YJU2B: variants seen among roughly 807,000 people sequenced by gnomAD.
YJU2B encodes probable splicing factor YJU2B.
Under a neutral mutation model 38.0 loss-of-function variants are expected in YJU2B, and 18 were observed. That is an observed-to-expected ratio of 0.47 (90% CI 0.33 to 0.70). The LOEUF (loss-of-function observed/expected upper bound fraction) is 0.70. YJU2B is among the 30% of genes least tolerant of loss of function. YJU2B has a pLI of 0.02. For synonymous variants in YJU2B, 246 were observed against 225.4 expected (o/e 1.09, Z -0.82); for missense variants, 538 against 556.3 (o/e 0.97, Z 0.33).
chr19:13,736,968 G>A (rs903736730), intron 2 of YJU2B, among the ~76,000 whole-genome samples: 22 of 149,612 alleles, frequency 1.5e-4, no homozygotes, highest in Non-Finnish European at 2.4e-4. Context: ...CGGAGGTTGC[G>A]GTGAGCTGAG....
chr19:13,758,796 C>T, intron 6 of YJU2B, 72 bp from the exon 7 acceptor site: 2 of 1,542,872 alleles, frequency 1.3e-6, no homozygotes, highest in South Asian at 2.3e-5. Flanking sequence ...TGGAAGGAAG[C>T]AGGCAGAGGC....
upstream of YJU2B, among the ~76,000 whole-genome samples, chr19:13,746,182 G>C (rs980573693): frequency 9.9e-5 from 15 of 152,070 alleles, no homozygotes; most frequent in Non-Finnish European, 1.9e-4. Flanking sequence ...AACCTGGGAG[G>C]CAGAGGGTGT....
intron 2 of YJU2B, among the ~76,000 whole-genome samples, chr19:13,733,833 T>C (rs937335503): frequency 7.9e-5 from 12 of 152,234 alleles, no homozygotes; most frequent in African/African-American, 2.9e-4. Context: ...ATGGCTCCTA[T>C]TGAGAAACAC....
intron 2 of YJU2B, among the ~76,000 whole-genome samples, chr19:13,752,250 C>T (rs1020511747): frequency 6.6e-6 from 1 of 151,920 alleles, no homozygotes; most frequent in Admixed American, 6.6e-5. Context: ...CCTCCCCTAC[C>T]CCTTCCTTTC....
chr19:13,747,877 G>C (rs57713847), upstream of YJU2B: 6 of 152,452 alleles, frequency 3.9e-5, no homozygotes, highest in East Asian at 1.9e-4. Flanking sequence ...TGGGGGCGCG[G>C]AGAGGGCGCC....
At chr19:13,735,183 G>C (rs997744742) in intron 2 of YJU2B, among the ~76,000 whole-genome samples, 1 of 152,110 alleles carries the variant, frequency 6.6e-6, no homozygotes, top group Non-Finnish European at 1.5e-5. Flanking sequence ...CGGGCATGGT[G>C]GTGGGCACCT....
chr19:13,759,444 A>G (rs1210657704), intron 8 of YJU2B, 172 bp downstream of exon 8: 3 of 578,386 alleles, frequency 5.2e-6, no homozygotes, highest in Non-Finnish European at 6.0e-6. Context: ...TCTGGCTACT[A>G]TAATAAAAAA....
chr19:13,758,914 A>T lies in YJU2B; in HGVS notation c.304A>T (p.Thr102Ser). The change falls in exon 7 of 10, where the codon ACG becomes TCG. Residue 102 changes from threonine to serine, a missense_variant. Physicochemically the swap from Thr to Ser is moderately conservative, Grantham distance 58 (BLOSUM62 1). Coordinates refer to ENST00000221554, the MANE Select transcript of YJU2B (RefSeq NM_030818.4). ...CTGTGTCAACTACATCGAGATGCAGACGGACCCCGCCAACTGCGACTACGT... is the reference window on the plus strand; with the variant it reads ...CTGTGTCAACTACATCGAGATGCAGTCGGACCCCGCCAACTGCGACTACGT... ...HLCVNYIEMQTDPANCDYVIV... is the reference protein window; with the variant it reads ...HLCVNYIEMQSDPANCDYVIV... 1 of 1,613,926 alleles carries T rather than the reference A, an allele frequency of 6.2e-7. No individual in the cohort carries two copies. Among genetic ancestry groups the T allele is most frequent in the East Asian group, 2.2e-5 (1 of 44,892 alleles).
chr19:13,745,952 G>A (rs1278778279), upstream of YJU2B, among the ~76,000 whole-genome samples: 2 of 151,668 alleles, frequency 1.3e-5, no homozygotes, highest in African/African-American at 4.8e-5. Flanking sequence ...GGCCCTACAA[G>A]GCATAAAAGT....
chr19:13,746,249 C>CAA (rs36114411), upstream of YJU2B, among the ~76,000 whole-genome samples: 3 of 141,168 alleles, frequency 2.1e-5, no homozygotes, highest in East Asian at 2.0e-4. Context: ...GACTCCGACT[C>CAA]AAAAAAAAAA....
rs998609319 is a variant in YJU2B at position 13,751,792 on chromosome 19, A to T, written c.-17A>T. 1 of 1,614,016 alleles carries T rather than the reference A, an allele frequency of 6.2e-7. No homozygotes were observed. On this transcript the variant is annotated 5_prime_UTR_variant, in exon 2 of 10. Coordinates refer to ENST00000221554, the MANE Select transcript of YJU2B (RefSeq NM_030818.4). Reference sequence around the variant, plus strand: ...ATCGTCCGCCCCGAGGCTGAGGACCAGTAGGCAGCTCCCAAGATGGTGAGT... The same window carrying T: ...ATCGTCCGCCCCGAGGCTGAGGACCTGTAGGCAGCTCCCAAGATGGTGAGT...
chr19:13,735,848 C>T (rs575287471), intron 2 of YJU2B, among the ~76,000 whole-genome samples: 2 of 146,450 alleles, frequency 1.4e-5, no homozygotes, highest in East Asian at 1.9e-4. Flanking sequence ...GTCAGGAGAT[C>T]GAGGCCATCC....
At chr19:13,746,358 G>C (rs1182797444), upstream of YJU2B, among the ~76,000 whole-genome samples, 2 of 152,192 alleles carry the variant, frequency 1.3e-5, no homozygotes, top group Non-Finnish European at 2.9e-5. Context: ...TAAAAGGCCA[G>C]ATGGTAAATA....
In YJU2B at chr19:13,762,777, TCGGGACGTCC is replaced by T. The variant is rs748222476; in HGVS notation, c.904_913del (p.Asp302ArgfsTer104). 1.2e-6 allele frequency: 2 copies of T among 1,604,828 alleles called. No homozygotes were observed. The highest frequency in any genetic ancestry group is 1.7e-6 in the Non-Finnish European group (2 of 1,176,956). On this transcript the variant is annotated frameshift_variant, in exon 10 of 10. Transcript: ENST00000221554. LOFTEE classifies it low-confidence loss of function (END_TRUNC). ...ACCTGGGCATCGTGCGGCGGAGGTCTCGGGACGTCCCGGAGAGCCCCCAGCATGCGGCCGA... is the reference window on the plus strand; with the variant it reads ...ACCTGGGCATCGTGCGGCGGAGGTCTCGGAGAGCCCCCAGCATGCGGCCGA...
chr19:13,745,961 G>A (rs1323299235), upstream of YJU2B, among the ~76,000 whole-genome samples: 1 of 151,946 alleles, frequency 6.6e-6, no homozygotes, highest in Non-Finnish European at 1.5e-5. Context: ...AGGCATAAAA[G>A]TAAATTCAGT....
At chr19:13,753,025 A>G (rs1973529150) in intron 2 of YJU2B, among the ~76,000 whole-genome samples, 1 of 152,178 alleles carries the variant, frequency 6.6e-6, no homozygotes, top group Admixed American at 6.5e-5. Flanking sequence ...AATGTTAAAT[A>G]CTTCTTACCG....
rs34397712 is a variant in YJU2B at position 13,753,574 on chromosome 19, CAAAAAAAAAAAA to C, written c.4-702_4-691del. Among the ~76,000 whole-genome samples the C allele has an allele frequency of 1.9e-4, 14 of 71,880 alleles. No homozygotes were observed. In the South Asian group the frequency reaches 3.9e-3, roughly 20 times the overall value. The allele number at this position is 71,880 out of a possible 152,430, so 47.2% of individuals were successfully genotyped here. On this transcript the variant is annotated intron_variant, in intron 2 of 9. Coordinates refer to ENST00000221554, the MANE Select transcript of YJU2B (RefSeq NM_030818.4). ...GGGCAACAAGAGTGAAACTCTGTCT[CAAAAAAAAAAAA>C]AAAAAAAAAAAAGACATACTCAAGC...
upstream of YJU2B, among the ~76,000 whole-genome samples, chr19:13,745,698 T>TAGATAGATAGATAGATAG (rs368183752): frequency 6.3e-5 from 8 of 126,890 alleles, no homozygotes; most frequent in East Asian, 4.6e-4. Flanking sequence ...TAGATATAGA[T>TAGATAGATAGATAGATAG]ATATAGATAT....
intron 2 of YJU2B, among the ~76,000 whole-genome samples, chr19:13,739,076 T>C (rs961205773): frequency 3.3e-5 from 5 of 151,908 alleles, no homozygotes; most frequent in African/African-American, 4.8e-5. Context: ...AATAAATAAA[T>C]AAACAAACAA....
Sources: allele counts gnomAD v4.1 joint callset (sites outside exome capture counted in the v4.1 genomes callset), GRCh38; gene constraint gnomAD v4.1.1; transcripts MANE v1.5; gene names NCBI Gene and HGNC (gene_info 2026-07-23, HGNC 2026-07-21).